The following BTBD7 variants were observed in gnomAD, a reference collection of about 807,000 sequenced individuals.
BTBD7 encodes BTB/POZ domain-containing protein 7.
BTBD7 carries 38 observed loss-of-function variants against 99.9 expected under a neutral mutation model. The observed-to-expected ratio is 0.38, with a 90% CI of 0.29 to 0.50. The LOEUF (loss-of-function observed/expected upper bound fraction) is 0.50, where lower values mean the gene tolerates loss of function less well. BTBD7 is among the 20% of genes least tolerant of loss of function. BTBD7 has a pLI of 0.93. For synonymous variants in BTBD7, 520 were observed against 511.4 expected, an observed-to-expected ratio of 1.02 and a Z score of -0.23; for missense variants, 1,170 against 1,394.6, an observed-to-expected ratio of 0.84 and a Z score of 2.57.
chr14:93,314,326 A>G (rs879604822), intron 1 of BTBD7, among the ~76,000 whole-genome samples: 1 of 152,208 alleles, frequency 6.6e-6, no homozygotes, highest in Non-Finnish European at 1.5e-5. Context: ...AAATGTGGAT[A>G]TGACTATCTT....
At chr14:93,269,683 G>A (rs189286475) in intron 3 of BTBD7, among the ~76,000 whole-genome samples, 6 of 152,256 alleles carry the variant, frequency 3.9e-5, no homozygotes, top group Admixed American at 1.3e-4. Flanking sequence ...CAAAAACACC[G>A]CTTGAATATT....
In BTBD7 at chr14:93,242,300, G is replaced by A. The variant is rs185722120; in HGVS notation, c.3372C>T (p.Asp1124=). 4.3e-6 allele frequency: 7 copies of A among 1,613,976 alleles called. No individual in the cohort carries two copies. The East Asian group carries it at 6.7e-5, about 15-fold the overall frequency. Residue 1124 remains aspartate (D), a synonymous_variant, in exon 11 of 11, where the codon GAC becomes GAT. Transcript: ENST00000334746. ...SRGRRSPSKP[D]FLYKKSAL ...AGAGGGCAGACTTTTTGTAGAGGAA[G>A]TCCGGCTTGCTTGGTGACCTCCTTC... is the stretch of plus-strand genomic sequence containing the variant.
Position 93,242,211 on chromosome 14 carries a change from T to A in BTBD7, c.*62A>T. On this transcript the variant is annotated 3_prime_UTR_variant, in exon 11 of 11. Transcript: ENST00000334746. ...CATTGATGAACTGGTCTGTAAGTTG[T>A]TGGGTTACATCATAAAATGGGATGT... 6.8e-7 allele frequency: 1 copy of A among 1,471,390 alleles called. No homozygotes were observed. Among genetic ancestry groups the A allele is most frequent in the South Asian group, 1.2e-5 (1 of 80,444 alleles). 91.1% of individuals were successfully genotyped at this position (1,471,390 alleles called of 1,614,324 possible).
In BTBD7 at chr14:93,249,489, T is replaced by C. The variant is rs964257492; in HGVS notation, c.1943-835A>G. 3.3e-5 allele frequency among the ~76,000 whole-genome samples: 5 copies of C among 152,324 alleles called. No individual in the cohort carries two copies. In the South Asian group the frequency reaches 1.0e-3, roughly 32 times the overall value. The stretch of plus-strand genomic sequence containing the variant: ...CCTGTGCACAACAGGCAGTCACTTT[T>C]GCAGGAGGATGACAGGATCAGAGCT... On this transcript the variant is annotated intron_variant, in intron 8 of 10. Transcript: ENST00000334746.
chr14:93,300,748 GTGTGTGTGTGTGTGTGTGTGTGTGTATA>G lies in BTBD7; in HGVS notation c.-106-4619_-106-4592del, dbSNP rs1485351343. Reference sequence around the variant, plus strand: ...TGTGTGTGTGTGTGTGTGTGTGTGTGTGTGTGTGTGTGTGTGTGTGTGTGTATATATATATATATTTTTTTTTTGTAGA... The same window carrying G: ...TGTGTGTGTGTGTGTGTGTGTGTGTGTATATATATATTTTTTTTTTGTAGA... On this transcript the variant is annotated intron_variant, in intron 1 of 10. Coordinates refer to ENST00000334746, the MANE Select transcript of BTBD7 (RefSeq NM_001002860.4). Among the ~76,000 whole-genome samples, 178 of 85,284 alleles carry G rather than the reference GTGTGTGTGTGTGTGTGTGTGTGTGTATA, an allele frequency of 2.1e-3. 13 individuals are homozygous for G. In the South Asian group the frequency reaches 0.024, roughly 11 times the overall value. 55.9% of individuals were successfully genotyped at this position (85,284 alleles called of 152,430 possible).
At chr14:93,262,526 T>C (rs937803754) in intron 4 of BTBD7, among the ~76,000 whole-genome samples, 2 of 152,166 alleles carry the variant, frequency 1.3e-5, no homozygotes, top group African/African-American at 2.4e-5. Flanking sequence ...GTGGTTTCTA[T>C]ATAGCTGCCT....
At chr14:93,318,876 T>C (rs1170157332) in intron 1 of BTBD7, among the ~76,000 whole-genome samples, 2 of 152,220 alleles carry the variant, frequency 1.3e-5, no homozygotes, top group Non-Finnish European at 2.9e-5. Context: ...AGTAACTATA[T>C]AGTCCAAAGA....
intron 5 of BTBD7, among the ~76,000 whole-genome samples, chr14:93,261,273 A>T (rs779845712): frequency 2.5e-4 from 38 of 152,224 alleles, no homozygotes; most frequent in Non-Finnish European, 3.8e-4. Flanking sequence ...ATTTTCATCA[A>T]CATTATGCTT....
chr14:93,316,903 G>GA (rs1414278934), intron 1 of BTBD7, among the ~76,000 whole-genome samples: 3 of 151,778 alleles, frequency 2.0e-5, no homozygotes, highest in Admixed American at 6.6e-5. Flanking sequence ...GTGGGTCAGG[G>GA]AAAAAAAACG....
chr14:93,305,089 G>A (rs1211152296), intron 1 of BTBD7, among the ~76,000 whole-genome samples: 1 of 152,204 alleles, frequency 6.6e-6, no homozygotes. Flanking sequence ...AGACAATAAT[G>A]GCTTAGCAGT....
intron 1 of BTBD7, among the ~76,000 whole-genome samples, chr14:93,307,539 G>A (rs2053085879): frequency 6.6e-6 from 1 of 152,134 alleles, no homozygotes; most frequent in Non-Finnish European, 1.5e-5. Flanking sequence ...GCTGTCATCT[G>A]ATCCCTGAGT....
At chr14:93,273,512 A>G (rs548530906) in intron 3 of BTBD7, among the ~76,000 whole-genome samples, 14 of 152,362 alleles carry the variant, frequency 9.2e-5, no homozygotes, top group African/African-American at 2.9e-4. Context: ...GAAAGCCTTG[A>G]CAGGTGTTCT....
rs534154016 is a variant in BTBD7 at position 93,240,321 on chromosome 14, C to T, written c.*1952G>A. Reference sequence around the variant, plus strand: ...TGTTTCCCATCTTGGAGACTATCTACTGTTCGGCTTTTCTAAAATGTCAGA... The same window carrying T: ...TGTTTCCCATCTTGGAGACTATCTATTGTTCGGCTTTTCTAAAATGTCAGA... On this transcript the variant is annotated 3_prime_UTR_variant, in exon 11 of 11. Transcript: ENST00000334746. 6.5e-6 allele frequency: 1 copy of T among 152,778 alleles called. No homozygotes were observed. The highest frequency in any genetic ancestry group is 1.9e-4 in the East Asian group (1 of 5,182). The allele number at this position is 152,778 out of a possible 1,614,324, so 9.5% of individuals were successfully genotyped here. A position where few individuals can be genotyped will look rare whatever the true frequency, so the allele number is the denominator to read the frequency against.
At chr14:93,261,776 T>C (rs1021230278) in intron 4 of BTBD7, 99 bp from the exon 5 acceptor site, 9 of 825,378 alleles carry the variant, frequency 1.1e-5, no homozygotes, top group East Asian at 5.2e-5. Flanking sequence ...GCATGCAACT[T>C]ACCATGTTTC....
chr14:93,305,319 T>C (rs1478251565), intron 1 of BTBD7, among the ~76,000 whole-genome samples: 1 of 152,176 alleles, frequency 6.6e-6, no homozygotes, highest in Admixed American at 6.5e-5. Context: ...AAGTGAAAAA[T>C]GTGTTCCTCC....
chr14:93,317,758 G>A (rs1181621366), intron 1 of BTBD7, among the ~76,000 whole-genome samples: 1 of 152,180 alleles, frequency 6.6e-6, no homozygotes, highest in Non-Finnish European at 1.5e-5. Context: ...TTTAATAAGG[G>A]TGATTTACTA....
chr14:93,249,176 A>T (rs927360584), intron 8 of BTBD7, among the ~76,000 whole-genome samples: 3 of 149,832 alleles, frequency 2.0e-5, no homozygotes, highest in African/African-American at 7.4e-5. Context: ...AGGGACTGGA[A>T]GGGGCACCCA....
At chr14:93,293,352 T>G (rs925947417) in intron 3 of BTBD7, among the ~76,000 whole-genome samples, 1 of 152,258 alleles carries the variant, frequency 6.6e-6, no homozygotes, top group Non-Finnish European at 1.5e-5. Context: ...AAGTTGAATC[T>G]AAAAATAAGA....
chr14:93,265,100 C>T (rs1264141070), intron 3 of BTBD7, among the ~76,000 whole-genome samples: 4 of 152,038 alleles, frequency 2.6e-5, no homozygotes, highest in Non-Finnish European at 5.9e-5. Context: ...GACTCCGTCT[C>T]AAATAAAATA....
Sources: gnomAD v4.1 joint callset for allele counts (sites outside exome capture counted in the v4.1 genomes callset) on GRCh38, gnomAD v4.1.1 for gene constraint, MANE v1.5 for transcripts, NCBI Gene and HGNC (gene_info 2026-07-23, HGNC 2026-07-21) for gene names.